Variants in RNLS observed in about 807,000 individuals in gnomAD.
The protein encoded by RNLS is renalase, FAD dependent amine oxidase.
A neutral mutation model predicts 39.8 loss-of-function variants in RNLS; 39 were observed. That is an observed-to-expected ratio of 0.98 (90% CI 0.76 to 1.28). The LOEUF (loss-of-function observed/expected upper bound fraction) is 1.28. Ranked by LOEUF, RNLS falls within the 50% of genes most tolerant of loss-of-function variation. RNLS has a pLI of 0.00. For synonymous variants in RNLS, 147 were observed against 150.7 expected (o/e 0.98, Z 0.18); for missense variants, 410 against 413.3 (o/e 0.99, Z 0.07).
At chr10:88,362,491 T>C (rs546338388) in intron 5 of RNLS, 61 bp downstream of exon 5, 4 of 1,454,618 alleles carry the variant, frequency 2.7e-6, no homozygotes, top group South Asian at 1.3e-5. Context: ...TTAAACAGCA[T>C]TTTTCATGAT....
At chr10:88,455,886 T>C (rs1374273595) in intron 4 of RNLS, among the ~76,000 whole-genome samples, 1 of 152,146 alleles carries the variant, frequency 6.6e-6, no homozygotes, top group Middle Eastern at 3.2e-3. Context: ...CACTCATCAT[T>C]TGATCTTTTT....
chr10:88,496,100 C>T (rs1278766560), intron 4 of RNLS, among the ~76,000 whole-genome samples: 1 of 152,030 alleles, frequency 6.6e-6, no homozygotes, highest in Non-Finnish European at 1.5e-5. Flanking sequence ...AACATTTATG[C>T]AGCTTCTGGA....
chr10:88,193,105 C>G, the RNLS span, among the ~76,000 whole-genome samples: 3 of 152,158 alleles, frequency 2.0e-5, no homozygotes, highest in Non-Finnish European at 4.4e-5. Context: ...TCTCCTTACA[C>G]TCTTCACAGG....
the RNLS span, among the ~76,000 whole-genome samples, chr10:88,200,738 T>TCAC: frequency 6.6e-6 from 1 of 152,204 alleles, no homozygotes; most frequent in African/African-American, 2.4e-5. Flanking sequence ...AGTAGATTAT[T>TCAC]CACGGTAAAG....
rs1843183954 is a variant in RNLS, at chr10:88,285,261, T to G, written c.*93A>C. On this transcript the variant is annotated 3_prime_UTR_variant, in exon 7 of 7. Transcript: ENST00000331772. ...TAAGTGAAGAACAATTTTCCAGTAA[T>G]TTTTCTTAGCAAAATAGAAAACAAA... is the stretch of plus-strand genomic sequence containing the variant. 1.4e-6 allele frequency: 2 copies of G among 1,411,566 alleles called. No individual in the cohort carries two copies. The highest frequency in any genetic ancestry group is 5.6e-5 in the Admixed American group (2 of 35,782). 87.4% of individuals were successfully genotyped at this position (1,411,566 alleles called of 1,614,324 possible).
chr10:88,181,581 A>G, the RNLS span, among the ~76,000 whole-genome samples: 7 of 152,186 alleles, frequency 4.6e-5, no homozygotes, highest in African/African-American at 1.7e-4. Flanking sequence ...TGCCATGAAC[A>G]TCGTTGTAGC....
intron 5 of RNLS, among the ~76,000 whole-genome samples, chr10:88,338,265 T>C (rs575979156): frequency 6.6e-6 from 1 of 152,358 alleles, no homozygotes; most frequent in Non-Finnish European, 1.5e-5. Context: ...AACTGAGCTT[T>C]CTCAATCCTT....
chr10:88,198,869 A>G, the RNLS span, among the ~76,000 whole-genome samples: 2 of 152,150 alleles, frequency 1.3e-5, no homozygotes, highest in African/African-American at 4.8e-5. Flanking sequence ...ACAAACCAAT[A>G]CACCTTGCAT....
At chr10:88,415,351 T>C (rs17111999) in intron 4 of RNLS, among the ~76,000 whole-genome samples, 18,131 of 152,242 alleles carry the variant, frequency 0.12, 1,188 homozygotes, top group Admixed American at 0.2. Flanking sequence ...CAAGAGTGCA[T>C]TGAGGTTGTG....
At chr10:88,449,120 C>T (rs771207710) in intron 4 of RNLS, among the ~76,000 whole-genome samples, 2 of 152,156 alleles carry the variant, frequency 1.3e-5, no homozygotes, top group Non-Finnish European at 2.9e-5. Context: ...GCACGTTGTG[C>T]ACATGTACCC....
At chr10:88,343,755 C>G (rs2133236093) in intron 5 of RNLS, 3 of 985,382 alleles carry the variant, frequency 3.0e-6, no homozygotes, top group Non-Finnish European at 3.6e-6. Context: ...ATGAAAACAT[C>G]TATTTATCCT....
intron 3 of RNLS, among the ~76,000 whole-genome samples, chr10:88,577,381 A>G (rs917901575): frequency 1.3e-5 from 2 of 152,200 alleles, no homozygotes; most frequent in African/African-American, 4.8e-5. Context: ...CTTAATAGAA[A>G]AAAACAACAT....
Position 88,573,052 on chromosome 10 carries a change from A to C in RNLS, c.377T>G (p.Val126Gly). ...CTGTGTCACACGATGTCTGAAGTAGACTTCTGCACCTGTTCCAAAAGCAAA... is the reference window on the plus strand; with the variant it reads ...CTGTGTCACACGATGTCTGAAGTAGCCTTCTGCACCTGTTCCAAAAGCAAA... ...KHYLKESGAE[V>G]YFRHRVTQIN... The change falls in exon 4 of 7, where the codon GTC becomes GGC. Residue 126 changes from valine to glycine, a missense_variant. Coordinates refer to ENST00000331772, the MANE Select transcript of RNLS (RefSeq NM_001031709.3). The C allele has an allele frequency of 6.2e-7, 1 of 1,613,504 alleles. No individual in the cohort carries two copies. Among genetic ancestry groups the C allele is most frequent in the Non-Finnish European group, 8.5e-7 (1 of 1,179,638 alleles).
At chr10:88,368,782 A>G (rs188696790) in intron 4 of RNLS, among the ~76,000 whole-genome samples, 23 of 152,130 alleles carry the variant, frequency 1.5e-4, no homozygotes, top group Non-Finnish European at 2.6e-4. Context: ...ATTTTTATCT[A>G]TGTTTCTAAT....
chr10:88,376,495 T>C (rs909515620), intron 4 of RNLS, among the ~76,000 whole-genome samples: 3 of 152,188 alleles, frequency 2.0e-5, no homozygotes, highest in Admixed American at 6.6e-5. Context: ...GTGTTTGTAT[T>C]GCATTAGCAA....
chr10:88,312,118 C>T (rs763549691), intron 6 of RNLS, among the ~76,000 whole-genome samples: 32 of 152,250 alleles, frequency 2.1e-4, no homozygotes, highest in African/African-American at 7.2e-4. Context: ...AAATATGTTA[C>T]GTCAATGGAA....
intron 4 of RNLS, among the ~76,000 whole-genome samples, chr10:88,517,770 C>G (rs1252635537): frequency 3.3e-5 from 5 of 151,842 alleles, no homozygotes; most frequent in Non-Finnish European, 5.9e-5. Context: ...CTCATATAAT[C>G]TTTAACTGAA....
At chr10:88,410,162 C>T (rs892431979) in intron 4 of RNLS, among the ~76,000 whole-genome samples, 14 of 152,024 alleles carry the variant, frequency 9.2e-5, no homozygotes, top group African/African-American at 2.9e-4. Context: ...ATATAGGAAA[C>T]GTTCTATGCC....
At chr10:88,263,660 G>A in the RNLS span, among the ~76,000 whole-genome samples, 2 of 152,000 alleles carry the variant, frequency 1.3e-5, no homozygotes, top group Admixed American at 1.3e-4. Flanking sequence ...AAATAGGGGG[G>A]TATTGTTAAG....
Sources: allele counts gnomAD v4.1 joint callset (sites outside exome capture counted in the v4.1 genomes callset), GRCh38; gene constraint gnomAD v4.1.1; transcripts MANE v1.5; gene names NCBI Gene and HGNC (gene_info 2026-07-23, HGNC 2026-07-21).